Variants in SAMMSON observed in about 807,000 individuals in gnomAD.
The protein encoded by SAMMSON is long intergenic non-protein coding RNA 1212.
intron 7 of SAMMSON, among the ~76,000 whole-genome samples, chr3:70,312,174 TATG>T (rs779553599): frequency 8.5e-5 from 13 of 152,212 alleles, no homozygotes; most frequent in Non-Finnish European, 1.2e-4. Context: ...CTAAACTTTA[TATG>T]ATATTTCTTT....
chr3:70,104,405 G>T (rs972972020), intron 4 of SAMMSON, among the ~76,000 whole-genome samples: 1 of 151,896 alleles, frequency 6.6e-6, no homozygotes, highest in African/African-American at 2.4e-5. Flanking sequence ...TGCATGCAAG[G>T]GATTCTCAGG....
chr3:70,304,580 C>T (rs1021585706), intron 7 of SAMMSON, among the ~76,000 whole-genome samples: 5 of 152,162 alleles, frequency 3.3e-5, no homozygotes, highest in Non-Finnish European at 2.9e-5. Context: ...TGTATCACCC[C>T]ACACTAAGGC....
rs527590984 is a variant in SAMMSON at position 70,255,831 on chromosome 3, T to G, written n.674+6161T>G. ...TTGGGAAATGATCAATGCACACCAA[T>G]TGATGGAAGCCTCCATAACTTTAGA... On this transcript the variant is annotated intron_variant and non_coding_transcript_variant, in intron 6 of 9. Transcript: ENST00000642114. 3.3e-5 allele frequency among the ~76,000 whole-genome samples: 5 copies of G among 152,306 alleles called. No individual in the cohort carries two copies. The East Asian group carries it at 9.7e-4, about 29-fold the overall frequency.
chr3:70,064,968 C>A (rs190020086), intron 3 of SAMMSON, among the ~76,000 whole-genome samples: 1 of 152,100 alleles, frequency 6.6e-6, no homozygotes, highest in East Asian at 1.9e-4. Flanking sequence ...TTATTATTAT[C>A]TTTAATGCAA....
chr3:70,262,954 A>C (rs1030323919), intron 6 of SAMMSON, among the ~76,000 whole-genome samples: 1 of 152,126 alleles, frequency 6.6e-6, no homozygotes, highest in Admixed American at 6.5e-5. Flanking sequence ...TGCTCTTCCT[A>C]TCTGTATTGT....
chr3:70,252,607 C>T (rs6549305), intron 6 of SAMMSON, among the ~76,000 whole-genome samples: 146,456 of 152,260 alleles, frequency 0.96, 70,657 homozygotes, highest in Non-Finnish European at 1. Flanking sequence ...CATGGTAAAC[C>T]GGAGAAGATG....
At chr3:70,333,123 C>G (rs1287519861) in intron 7 of SAMMSON, among the ~76,000 whole-genome samples, 1 of 151,930 alleles carries the variant, frequency 6.6e-6, no homozygotes, top group Admixed American at 6.6e-5. Flanking sequence ...CTGCAGCTAC[C>G]ATTCTTTAAC....
intron 7 of SAMMSON, among the ~76,000 whole-genome samples, chr3:70,344,897 T>C (rs1702738948): frequency 6.6e-6 from 1 of 152,208 alleles, no homozygotes; most frequent in Admixed American, 6.6e-5. Context: ...TCTCCAAGGA[T>C]GTATTCTGCT....
At chr3:70,197,615 C>T (rs935796249) in intron 4 of SAMMSON, among the ~76,000 whole-genome samples, 3 of 152,186 alleles carry the variant, frequency 2.0e-5, no homozygotes, top group Admixed American at 6.5e-5. Flanking sequence ...TGCCCTGTTT[C>T]TTGTCACTAG....
chr3:70,337,272 C>G (rs1255576021), intron 7 of SAMMSON, among the ~76,000 whole-genome samples: 1 of 150,334 alleles, frequency 6.7e-6, no homozygotes, highest in Non-Finnish European at 1.5e-5. Context: ...TTTATGTCTC[C>G]TGCTCTTAGG....
intron 4 of SAMMSON, among the ~76,000 whole-genome samples, chr3:70,176,443 T>G (rs2106702815): frequency 6.6e-6 from 1 of 152,302 alleles, no homozygotes; most frequent in South Asian, 2.1e-4. Context: ...CTTCATCAAC[T>G]TTTCATCAAT....
At chr3:70,017,292 A>G (rs1466779126) in intron 3 of SAMMSON, among the ~76,000 whole-genome samples, 1 of 152,056 alleles carries the variant, frequency 6.6e-6, no homozygotes, top group Non-Finnish European at 1.5e-5. Context: ...CTCCTTGAAG[A>G]GGTCCTTCAC....
intron 7 of SAMMSON, among the ~76,000 whole-genome samples, chr3:70,334,391 A>AAT (rs1035667119): frequency 6.6e-6 from 1 of 152,018 alleles, no homozygotes; most frequent in Non-Finnish European, 1.5e-5. Context: ...ATATACATGT[A>AAT]ATATATATGT....
intron 9 of SAMMSON, among the ~76,000 whole-genome samples, chr3:70,380,277 A>G (rs1703054518): frequency 6.6e-6 from 1 of 152,160 alleles, no homozygotes; most frequent in Admixed American, 6.5e-5. Flanking sequence ...TAGGATAAAA[A>G]ATATTTTTCT....
intron 9 of SAMMSON, among the ~76,000 whole-genome samples, chr3:70,373,291 A>T (rs1702986328): frequency 6.6e-6 from 1 of 152,170 alleles, no homozygotes; most frequent in Non-Finnish European, 1.5e-5. Flanking sequence ...TTCCAGTTGT[A>T]GAAAATATTC....
intron 7 of SAMMSON, among the ~76,000 whole-genome samples, chr3:70,321,526 A>C (rs1294553936): frequency 6.6e-6 from 1 of 152,112 alleles, no homozygotes; most frequent in Non-Finnish European, 1.5e-5. Context: ...CGACCATTAC[A>C]AATGAAGCTT....
intron 6 of SAMMSON, among the ~76,000 whole-genome samples, chr3:70,274,383 G>C (rs13065675): frequency 6.6e-6 from 1 of 150,806 alleles, no homozygotes; most frequent in East Asian, 1.9e-4. Flanking sequence ...TATAGAATGA[G>C]TATGTGATAG....
At chr3:70,139,816 ATAC>A (rs2067520590) in intron 4 of SAMMSON, among the ~76,000 whole-genome samples, 1 of 152,134 alleles carries the variant, frequency 6.6e-6, no homozygotes, top group South Asian at 2.1e-4. Context: ...AGAGTGTGCA[ATAC>A]ATCTTATTTG....
chr3:70,357,150 G>C (rs1322441130), intron 8 of SAMMSON, among the ~76,000 whole-genome samples: 1 of 152,020 alleles, frequency 6.6e-6, no homozygotes, highest in Non-Finnish European at 1.5e-5. Flanking sequence ...GCATTCTAAT[G>C]GATTTTATGT....
Sources: gnomAD v4.1 joint callset for allele counts (sites outside exome capture counted in the v4.1 genomes callset) on GRCh38, gnomAD v4.1.1 for gene constraint, MANE v1.5 for transcripts, NCBI Gene and HGNC (gene_info 2026-07-23, HGNC 2026-07-21) for gene names.